Variants in OGDH observed in about 807,000 individuals in gnomAD.
OGDH encodes 2-oxoglutarate dehydrogenase complex component E1.
Under a neutral mutation model 116.6 loss-of-function variants are expected in OGDH, and 38 were observed. The ratio of observed to expected loss-of-function variants is 0.33; its 90% CI spans 0.25 to 0.43. The LOEUF (loss-of-function observed/expected upper bound fraction) is 0.43. Ranked by LOEUF, OGDH falls within the 20% of genes least tolerant of loss-of-function variation. OGDH has a pLI of 1.00. For synonymous variants in OGDH, 488 were observed against 533.3 expected (o/e 0.92, Z 1.17); for missense variants, 825 against 1,357.2 (o/e 0.61, Z 6.16).
At chr7:44,692,968 T>C (rs1456809325) in intron 10 of OGDH, among the ~76,000 whole-genome samples, 1 of 150,434 alleles carries the variant, frequency 6.6e-6, no homozygotes, top group Non-Finnish European at 1.5e-5. Flanking sequence ...ATTGCACCAC[T>C]GCACTCCAGT....
At position 44,671,442 on chromosome 7, in the gene OGDH, T is replaced by C. The variant is rs541370496; in HGVS notation, c.634-2345T>C. Among the ~76,000 whole-genome samples the C allele has an allele frequency of 7.4e-4, 112 of 150,376 alleles. No homozygotes were observed. In the Middle Eastern group the frequency reaches 0.01, roughly 14 times the overall value. The stretch of plus-strand genomic sequence containing the variant: ...TTGGGGATCAAATTTCATCAGGAGG[T>C]TTGTGGGGGAACAAACGGGTTAATA... On this transcript the variant is annotated intron_variant, in intron 5 of 22. Transcript: ENST00000222673.
At chr7:44,698,487 A>G (rs1788686075) in intron 18 of OGDH, among the ~76,000 whole-genome samples, 2 of 152,070 alleles carry the variant, frequency 1.3e-5, no homozygotes, top group African/African-American at 4.8e-5. Flanking sequence ...GACTGCCTCC[A>G]TTGGCTTCCT....
At chr7:44,625,540 G>A (rs1408552289) in intron 2 of OGDH, among the ~76,000 whole-genome samples, 1 of 152,188 alleles carries the variant, frequency 6.6e-6, no homozygotes, top group Non-Finnish European at 1.5e-5. Context: ...GAAGGAATTG[G>A]GAAGACAGTG....
Position 44,645,392 on chromosome 7 carries a change from C to T in OGDH, c.288C>T (p.Pro96=), listed in dbSNP as rs776790558. The part of the protein sequence containing the change: ...GAPPGTAYQS[P]LPLSRGSLAA... ...CACCGGGCACTGCCTACCAGAGTCC[C>T]CTTCCCCTGAGCCGAGGCTCCCTGG... The change falls in exon 3 of 23, where the codon CCC becomes CCT. Residue 96 remains proline (P), a synonymous_variant. Transcript: ENST00000222673. 1 of 1,614,202 alleles carries T rather than the reference C, an allele frequency of 6.2e-7. No individual in the cohort carries two copies. The highest frequency in any genetic ancestry group is 8.5e-7 in the Non-Finnish European group (1 of 1,180,030).
At chr7:44,616,746 T>G (rs1784790778) in intron 1 of OGDH, among the ~76,000 whole-genome samples, 1 of 145,298 alleles carries the variant, frequency 6.9e-6, no homozygotes, top group Admixed American at 6.9e-5. Context: ...CGTATATAAG[T>G]GTATATGTGT....
intron 9 of OGDH, among the ~76,000 whole-genome samples, chr7:44,681,192 A>G (rs1309475945): frequency 2.6e-5 from 4 of 152,330 alleles, no homozygotes; most frequent in African/African-American, 7.2e-5. Context: ...TTGCCAAGGA[A>G]AACAATGGTG....
intron 20 of OGDH, among the ~76,000 whole-genome samples, chr7:44,703,756 A>G (rs947564017): frequency 6.6e-6 from 1 of 151,372 alleles, no homozygotes; most frequent in African/African-American, 2.4e-5. Flanking sequence ...GTGGTGGCGC[A>G]TACCTGTAAT....
At chr7:44,641,134 C>G (rs1785915849) in intron 2 of OGDH, among the ~76,000 whole-genome samples, 1 of 150,674 alleles carries the variant, frequency 6.6e-6, no homozygotes, top group Non-Finnish European at 1.5e-5. Context: ...ATCTCCTAAC[C>G]TCGTGATCCG....
At chr7:44,702,697 A>G (rs1047024016) in intron 20 of OGDH, among the ~76,000 whole-genome samples, 2 of 152,202 alleles carry the variant, frequency 1.3e-5, no homozygotes, top group African/African-American at 2.4e-5. Flanking sequence ...GGTTCACGCC[A>G]TTCTCCCACC....
intron 10 of OGDH, among the ~76,000 whole-genome samples, chr7:44,685,358 G>A (rs1788085748): frequency 6.6e-6 from 1 of 152,096 alleles, no homozygotes; most frequent in African/African-American, 2.4e-5. Flanking sequence ...CATATAAATG[G>A]AATCATAGTA....
intron 2 of OGDH, among the ~76,000 whole-genome samples, chr7:44,629,808 G>A (rs939168611): frequency 1.3e-5 from 2 of 152,078 alleles, no homozygotes; most frequent in Non-Finnish European, 2.9e-5. Flanking sequence ...TTGAACTCCC[G>A]ACCTCAGGTG....
chr7:44,681,091 C>T (rs1026247568), intron 9 of OGDH, among the ~76,000 whole-genome samples: 8 of 152,158 alleles, frequency 5.3e-5, no homozygotes, highest in African/African-American at 9.7e-5. Flanking sequence ...CTGGTTCAGA[C>T]GCAGTTGTCA....
chr7:44,683,701 A>T (rs1238817510), intron 10 of OGDH, among the ~76,000 whole-genome samples: 2 of 152,208 alleles, frequency 1.3e-5, no homozygotes, highest in South Asian at 2.1e-4. Flanking sequence ...GAAATATCTT[A>T]TAACTTGTTT....
chr7:44,640,639 G>A (rs1785889512), intron 2 of OGDH, among the ~76,000 whole-genome samples: 1 of 152,142 alleles, frequency 6.6e-6, no homozygotes, highest in African/African-American at 2.4e-5. Flanking sequence ...ACTTTGCCCT[G>A]TGTTTCTGGA....
intron 4 of OGDH, among the ~76,000 whole-genome samples, chr7:44,653,202 C>T (rs1485688328): frequency 1.3e-5 from 2 of 151,932 alleles, no homozygotes; most frequent in Non-Finnish European, 2.9e-5. Context: ...AAGTGATTCT[C>T]GTGCCTCAGC....
Position 44,631,913 on chromosome 7 carries a change from A to G in OGDH, c.222+7348A>G, listed in dbSNP as rs1379462178. Among the ~76,000 whole-genome samples the G allele has an allele frequency of 2.0e-5, 3 of 152,010 alleles. No individual in the cohort carries two copies. In the East Asian group the frequency reaches 5.8e-4, roughly 29 times the overall value. ...AATAAATAAAAACATTTGGAATTCT[A>G]ATAGAACCCACTGAGCTTCTGAAAG... On this transcript the variant is annotated intron_variant, in intron 2 of 22. Transcript: ENST00000222673.
At chr7:44,699,940 C>T (rs1202830564) in intron 18 of OGDH, among the ~76,000 whole-genome samples, 1 of 152,170 alleles carries the variant, frequency 6.6e-6, no homozygotes, top group Non-Finnish European at 1.5e-5. Context: ...AGAGTGAGAG[C>T]TCACTCATCA....
chr7:44,611,402 G>A (rs544754634), intron 1 of OGDH, among the ~76,000 whole-genome samples: 1 of 152,046 alleles, frequency 6.6e-6, no homozygotes, highest in Admixed American at 6.5e-5. Flanking sequence ...CTGAGTAGCT[G>A]GGACTACAGG....
intron 4 of OGDH, among the ~76,000 whole-genome samples, chr7:44,648,900 G>A (rs1001801341): frequency 2.6e-5 from 4 of 152,050 alleles, no homozygotes; most frequent in East Asian, 1.9e-4. Flanking sequence ...TTTTCATTCC[G>A]TGGTGACAAC....
Sources: gnomAD v4.1 joint callset for allele counts (sites outside exome capture counted in the v4.1 genomes callset) on GRCh38, gnomAD v4.1.1 for gene constraint, MANE v1.5 for transcripts, NCBI Gene and HGNC (gene_info 2026-07-23, HGNC 2026-07-21) for gene names.